The following COPZ2 variants were observed in gnomAD, a reference collection of about 807,000 sequenced individuals.
The protein encoded by COPZ2 is coatomer subunit zeta-2.
In COPZ2, 30 loss-of-function variants were observed where a neutral mutation model predicts 33.2. That is an observed-to-expected ratio of 0.90 (90% CI 0.68 to 1.23). COPZ2 has a LOEUF of 1.23. Ranked by LOEUF, COPZ2 falls within the 50% of genes most tolerant of loss-of-function variation. COPZ2 has a pLI of 0.00. For missense variants in COPZ2, 263 were observed against 262.4 expected (o/e 1.00, Z -0.02); for synonymous variants, 89 against 102.6 (o/e 0.87, Z 0.80).
intron 5 of COPZ2, 30 bp from the exon 6 acceptor site, chr17:48,032,263 C>CCT (rs761870780): frequency 6.9e-6 from 11 of 1,596,050 alleles, no homozygotes; most frequent in Non-Finnish European, 9.4e-6. Context: ...CCTGAGCCTC[C>CCT]CTGTGGCTGG....
rs1210422032 is a variant in COPZ2, at chr17:48,029,151, G to A, written c.520C>T (p.Gln174Ter). The change falls in exon 7 of 9, where the codon CAA becomes TAA. Residue 174 changes from glutamine (Q) to a stop codon, truncating the protein, a stop_gained. Coordinates refer to ENST00000621465, the MANE Select transcript of COPZ2 (RefSeq NM_016429.4). LOFTEE classifies it high-confidence loss of function. The part of the protein sequence containing the change: ...GGVILESDPQ[Q>*]VIQKVNFRAD... Reference sequence around the variant, plus strand: ...CTAAAATTCACCTTCTGGATCACTTGCTGGGGGTCACTCTCCAGAATCACA... The same window carrying A: ...CTAAAATTCACCTTCTGGATCACTTACTGGGGGTCACTCTCCAGAATCACA... The A allele has an allele frequency of 1.9e-6, 3 of 1,578,958 alleles. No individual in the cohort carries two copies. The highest frequency in any genetic ancestry group is 2.6e-6 in the Non-Finnish European group (3 of 1,162,140).
chr17:48,036,777 A>T (rs2036989070), intron 2 of COPZ2, 74 bp downstream of exon 2: 1 of 1,392,096 alleles, frequency 7.2e-7, no homozygotes, highest in Admixed American at 1.8e-5. Context: ...CAGAGATCAC[A>T]GTGGAGTTTC....
In COPZ2 at chr17:48,032,194, G is replaced by C. The variant is rs376580006; in HGVS notation, c.456C>G (p.Asp152Glu). 1 of 1,613,374 alleles carries C rather than the reference G, an allele frequency of 6.2e-7. No homozygotes were observed. The highest frequency in any genetic ancestry group is 1.3e-5 in the African/African-American group (1 of 74,884). Residue 152 changes from aspartate (D) to glutamate (E), a missense_variant, in exon 6 of 9, where the codon GAC becomes GAG. Physicochemically the swap from Asp to Glu is conservative, Grantham distance 45. Transcript: ENST00000621465. ...VEKRWLLENM[D>E]GAFLVLDEIV... is the part of the protein sequence containing the mutation. ...TCTCGTCCAGCACCAAGAAGGCTCCGTCCATGTTCTCCAGCAACCAGCGCT... is the reference window on the plus strand; with the variant it reads ...TCTCGTCCAGCACCAAGAAGGCTCCCTCCATGTTCTCCAGCAACCAGCGCT...
intron 6 of COPZ2, chr17:48,031,892 C>T: frequency 1.9e-6 from 1 of 517,598 alleles, no homozygotes; most frequent in Non-Finnish European, 3.5e-6. Context: ...TTTCCCCAAA[C>T]CCTGCCTATT....
chr17:48,026,817 C>G (rs1426970314), intron 8 of COPZ2, among the ~76,000 whole-genome samples: 1 of 152,260 alleles, frequency 6.6e-6, no homozygotes, highest in Non-Finnish European at 1.5e-5. Flanking sequence ...GGGCCCAGGC[C>G]TGACACTCCC....
At chr17:48,026,831 G>A (rs1232285765) in intron 8 of COPZ2, among the ~76,000 whole-genome samples, 2 of 152,252 alleles carry the variant, frequency 1.3e-5, no homozygotes, top group African/African-American at 4.8e-5. Flanking sequence ...CACTCCCTGT[G>A]CTCAGACGCC....
chr17:48,034,565 C>T (rs72823532), intron 2 of COPZ2, among the ~76,000 whole-genome samples: 13,825 of 152,222 alleles, frequency 0.091, 772 homozygotes, highest in East Asian at 0.2. Flanking sequence ...ACTAATTCTA[C>T]AGCACCCTGA....
chr17:48,043,979 A>G, the COPZ2 span, among the ~76,000 whole-genome samples: 1 of 152,238 alleles, frequency 6.6e-6, no homozygotes, highest in African/African-American at 2.4e-5. Flanking sequence ...ACACTAAGAC[A>G]CTAATGAACA....
the COPZ2 span, chr17:48,046,235 C>T: frequency 6.6e-6 from 1 of 152,230 alleles, no homozygotes; most frequent in African/African-American, 2.4e-5. Flanking sequence ...AAAAGACCAA[C>T]TTTAGTATGC....
chr17:48,026,641 A>G (rs1041876974), intron 8 of COPZ2, among the ~76,000 whole-genome samples, 166 bp from the exon 9 acceptor site: 5 of 152,208 alleles, frequency 3.3e-5, no homozygotes, highest in Admixed American at 6.5e-5. Flanking sequence ...CAACCCTCCA[A>G]GTCAGAAAGC....
chr17:48,038,293 T>C (rs535024018), upstream of COPZ2, among the ~76,000 whole-genome samples: 12 of 152,320 alleles, frequency 7.9e-5, no homozygotes, highest in South Asian at 2.5e-3. Context: ...CTCTCACTAC[T>C]TGCAGAAGGC....
chr17:48,032,610 A>C, intron 5 of COPZ2, 76 bp downstream of exon 5: 1 of 1,219,528 alleles, frequency 8.2e-7, no homozygotes, highest in Non-Finnish European at 1.2e-6. Flanking sequence ...CTTCAGGAGA[A>C]AAACAGGGAG....
chr17:48,039,874 C>G (rs1010082783), upstream of COPZ2, among the ~76,000 whole-genome samples: 4 of 152,126 alleles, frequency 2.6e-5, no homozygotes, highest in African/African-American at 9.7e-5. Context: ...GTAATTCCAG[C>G]TCTTTGGAAG....
intron 8 of COPZ2, chr17:48,027,549 C>T (rs2036834303): frequency 6.6e-6 from 1 of 152,272 alleles, no homozygotes; most frequent in South Asian, 2.1e-4. Context: ...TCCCTACCCT[C>T]TTTCCACTCT....
At chr17:48,032,456 T>G (rs933407990) in intron 5 of COPZ2, among the ~76,000 whole-genome samples, 1 of 152,158 alleles carries the variant, frequency 6.6e-6, no homozygotes, top group Admixed American at 6.5e-5. Context: ...CAACCTCCCA[T>G]ACTTTGGGCC....
chr17:48,031,234 C>T (rs1195903386), intron 6 of COPZ2, among the ~76,000 whole-genome samples: 1 of 152,078 alleles, frequency 6.6e-6, no homozygotes, highest in African/African-American at 2.4e-5. Context: ...GGGCGGATCA[C>T]GAGGTCAGGA....
chr17:48,033,037 G>T, intron 4 of COPZ2, 174 bp downstream of exon 4: 2 of 603,688 alleles, frequency 3.3e-6, no homozygotes, highest in Non-Finnish European at 5.9e-6. Flanking sequence ...AAGGGGCATC[G>T]AAGATACACA....
At chr17:48,041,249 T>C (rs1186955429), upstream of COPZ2, among the ~76,000 whole-genome samples, 1 of 151,762 alleles carries the variant, frequency 6.6e-6, no homozygotes, top group East Asian at 1.9e-4. Flanking sequence ...TGGGACACAA[T>C]AGTAGACAAA....
chr17:48,034,075 C>T, intron 2 of COPZ2, 131 bp from the exon 3 acceptor site: 1 of 620,448 alleles, frequency 1.6e-6, no homozygotes, highest in South Asian at 1.9e-5. Flanking sequence ...TCCATTACTG[C>T]ACCCTAGGCC....
Sources: allele counts gnomAD v4.1 joint callset (sites outside exome capture counted in the v4.1 genomes callset), GRCh38; gene constraint gnomAD v4.1.1; transcripts MANE v1.5; gene names NCBI Gene and HGNC (gene_info 2026-07-23, HGNC 2026-07-21).